The following STK32A variants were observed in gnomAD, a reference collection of about 807,000 sequenced individuals.
STK32A encodes the protein serine/threonine-protein kinase 32A.
Under a neutral mutation model 53.2 loss-of-function variants are expected in STK32A, and 41 were observed. The observed-to-expected ratio is 0.77, with a 90% CI of 0.60 to 1.00. The LOEUF (loss-of-function observed/expected upper bound fraction) is 1.00, where lower values mean the gene tolerates loss of function less well. STK32A is among the 50% of genes least tolerant of loss of function. The pLI, the probability that STK32A is intolerant of heterozygous loss-of-function variation, is 0.00. For missense variants in STK32A, 458 were observed against 485.8 expected (o/e 0.94, Z 0.54); for synonymous variants, 166 against 162.8 (o/e 1.02, Z -0.15).
intron 7 of STK32A, among the ~76,000 whole-genome samples, chr5:147,356,409 A>G (rs1756241327): frequency 1.3e-5 from 2 of 152,208 alleles, no homozygotes; most frequent in Non-Finnish European, 2.9e-5. Flanking sequence ...TATTGTATAT[A>G]TAGTACTATT....
chr5:147,361,754 T>C lies in STK32A; in HGVS notation c.660+140T>C, dbSNP rs1201811707. 3 of 664,602 alleles carry C rather than the reference T, an allele frequency of 4.5e-6. No individual in the cohort carries two copies. The Admixed American group carries it at 7.7e-5, about 17-fold the overall frequency. The allele number at this position is 664,602 out of a possible 1,614,324, so 41.2% of individuals were successfully genotyped here. ...TGCCATGTGATGTTGATAACACCCC[T>C]TGAGATTTCTGCATAGGTTAATTCA... On this transcript the variant is annotated intron_variant, in intron 8 of 12. Transcript: ENST00000397936.
chr5:147,310,987 AATC>A (rs1160648386), intron 4 of STK32A, among the ~76,000 whole-genome samples: 5 of 152,200 alleles, frequency 3.3e-5, no homozygotes, highest in African/African-American at 9.7e-5. Flanking sequence ...GCTTCAGAAA[AATC>A]ATCATAATAT....
intron 2 of STK32A, among the ~76,000 whole-genome samples, chr5:147,242,076 G>A (rs1016172872): frequency 2.0e-5 from 3 of 152,188 alleles, no homozygotes; most frequent in Non-Finnish European, 2.9e-5. Context: ...AAACTAGGTT[G>A]AAGGAGAGTT....
chr5:147,351,929 C>A (rs1419879341), intron 7 of STK32A, among the ~76,000 whole-genome samples: 3 of 152,164 alleles, frequency 2.0e-5, no homozygotes, highest in Non-Finnish European at 4.4e-5. Flanking sequence ...ATTATTTTAA[C>A]CATTATTTAC....
intron 5 of STK32A, among the ~76,000 whole-genome samples, chr5:147,339,436 G>T (rs934411384): frequency 6.6e-6 from 1 of 152,254 alleles, no homozygotes; most frequent in African/African-American, 2.4e-5. Flanking sequence ...GAGAACCTCT[G>T]CTAGGGCAGC....
chr5:147,367,261 T>C (rs1756797063), intron 8 of STK32A, among the ~76,000 whole-genome samples: 1 of 152,092 alleles, frequency 6.6e-6, no homozygotes, highest in African/African-American at 2.4e-5. Context: ...AGTTGGGGTC[T>C]TACCATGTTG....
intron 2 of STK32A, among the ~76,000 whole-genome samples, chr5:147,277,870 A>C (rs550065980): frequency 6.6e-6 from 1 of 152,090 alleles, no homozygotes; most frequent in African/African-American, 2.4e-5. Context: ...CAGGGCCCTC[A>C]CTTGACTACA....
chr5:147,312,669 C>T (rs1753762469), intron 4 of STK32A, among the ~76,000 whole-genome samples: 1 of 152,098 alleles, frequency 6.6e-6, no homozygotes, highest in Admixed American at 6.5e-5. Flanking sequence ...AATTCCAAAG[C>T]TTCTTGGTCT....
At chr5:147,281,436 G>A (rs1257753317) in intron 4 of STK32A, among the ~76,000 whole-genome samples, 1 of 152,070 alleles carries the variant, frequency 6.6e-6, no homozygotes, top group Non-Finnish European at 1.5e-5. Context: ...GGAAACTTTA[G>A]ACACACTTTA....
chr5:147,313,770 A>G (rs1252591255), intron 4 of STK32A, among the ~76,000 whole-genome samples: 1 of 152,194 alleles, frequency 6.6e-6, no homozygotes, highest in African/African-American at 2.4e-5. Flanking sequence ...AAAGCCTCAT[A>G]TTTCCAGTCA....
chr5:147,261,884 C>T (rs1269677652), intron 2 of STK32A, among the ~76,000 whole-genome samples: 4 of 138,808 alleles, frequency 2.9e-5, no homozygotes, highest in African/African-American at 5.5e-5. Context: ...CATGCTATCC[C>T]CCCCAAGCTA....
downstream of STK32A, chr5:147,391,838 T>G (rs1174254956): frequency 2.6e-5 from 4 of 152,170 alleles, no homozygotes; most frequent in Non-Finnish European, 5.9e-5. Context: ...GGAAATCTTG[T>G]GCAGAATCAA....
At chr5:147,239,820 G>C (rs1460230218) in intron 2 of STK32A, 134 bp downstream of exon 2, 3 of 661,220 alleles carry the variant, frequency 4.5e-6, no homozygotes, top group Non-Finnish European at 7.8e-6. Context: ...GCATGAGTGA[G>C]TCTGAGGACT....
chr5:147,297,087 C>T (rs997867349), intron 4 of STK32A, among the ~76,000 whole-genome samples: 3 of 152,158 alleles, frequency 2.0e-5, no homozygotes, highest in African/African-American at 7.2e-5. Flanking sequence ...ACCAATACAC[C>T]TTAACCAAGG....
intron 4 of STK32A, among the ~76,000 whole-genome samples, chr5:147,318,393 T>C (rs1053413151): frequency 1.3e-5 from 2 of 152,166 alleles, no homozygotes; most frequent in African/African-American, 2.4e-5. Context: ...GTGTTAATTT[T>C]ATATGATATA....
At chr5:147,243,073 G>T (rs1454958440) in intron 2 of STK32A, among the ~76,000 whole-genome samples, 1 of 151,308 alleles carries the variant, frequency 6.6e-6, no homozygotes, top group Non-Finnish European at 1.5e-5. Flanking sequence ...AAAAAATATT[G>T]CTGAAAAGAA....
chr5:147,388,164 G>A (rs1757720778), downstream of STK32A, among the ~76,000 whole-genome samples: 1 of 152,148 alleles, frequency 6.6e-6, no homozygotes, highest in African/African-American at 2.4e-5. Flanking sequence ...TCCATGGGCA[G>A]CCTATGCACC....
At chr5:147,319,422 A>G (rs992151036) in intron 4 of STK32A, among the ~76,000 whole-genome samples, 4 of 152,100 alleles carry the variant, frequency 2.6e-5, no homozygotes, top group Non-Finnish European at 4.4e-5. Context: ...GATTACAGGC[A>G]TGAGCCACTG....
At chr5:147,276,957 A>C (rs1755291765) in intron 2 of STK32A, among the ~76,000 whole-genome samples, 1 of 152,160 alleles carries the variant, frequency 6.6e-6, no homozygotes, top group South Asian at 2.1e-4. Flanking sequence ...GCCTCACATG[A>C]CTAAGTGGGT....
Sources: gnomAD v4.1 joint callset for allele counts (sites outside exome capture counted in the v4.1 genomes callset) on GRCh38, gnomAD v4.1.1 for gene constraint, MANE v1.5 for transcripts, NCBI Gene and HGNC (gene_info 2026-07-23, HGNC 2026-07-21) for gene names.